Variants in DIS3L2 observed in about 807,000 individuals in gnomAD.
DIS3L2 encodes DIS3-like exonuclease 2.
In DIS3L2, 34 loss-of-function variants were observed where a neutral mutation model predicts 97.5. The observed-to-expected ratio is 0.35, with a 90% CI of 0.27 to 0.46. DIS3L2 has a LOEUF of 0.46. Among genes scored for constraint, DIS3L2 ranks in the 20% least tolerant of loss-of-function variants. The pLI is 1.00. For synonymous variants in DIS3L2, 435 were observed against 445.2 expected, an observed-to-expected ratio of 0.98 and a Z score of 0.29; for missense variants, 1,038 against 1,146.0, an observed-to-expected ratio of 0.91 and a Z score of 1.36.
intron 3 of DIS3L2, among the ~76,000 whole-genome samples, chr2:232,021,446 A>ATT (rs562864093): frequency 4.7e-4 from 68 of 145,980 alleles, no homozygotes; most frequent in African/African-American, 1.5e-3. Context: ...CGATATTTGA[A>ATT]TTTTTTTTTT....
At chr2:232,181,949 G>A (rs1227777758) in intron 9 of DIS3L2, among the ~76,000 whole-genome samples, 1 of 152,048 alleles carries the variant, frequency 6.6e-6, no homozygotes, top group Non-Finnish European at 1.5e-5. Flanking sequence ...ACCGTGCCCG[G>A]GCGCCTGGCT....
At chr2:232,243,003 G>A (rs901321150) in intron 11 of DIS3L2, among the ~76,000 whole-genome samples, 1 of 152,214 alleles carries the variant, frequency 6.6e-6, no homozygotes, top group African/African-American at 2.4e-5. Flanking sequence ...AGCAGAGGAG[G>A]TGGACAGGTA....
At chr2:232,077,961 CTTTCTT>C (rs1559602130) in intron 5 of DIS3L2, among the ~76,000 whole-genome samples, 2 of 73,880 alleles carry the variant, frequency 2.7e-5, no homozygotes, top group African/African-American at 6.2e-5. Context: ...CTTTCTCTTT[CTTTCTT>C]TCTTTCTTTC....
At chr2:232,343,415 C>T (rs1204267724) in exon 14 of DIS3L2, 3 of 1,555,424 alleles carry the variant, frequency 1.9e-6, no homozygotes, top group Non-Finnish European at 2.6e-6. Context: ...GATGCAGAAG[C>T]ACAGCCCTCC....
chr2:232,136,837 G>A, intron 8 of DIS3L2, 118 bp downstream of exon 8: 2 of 1,318,196 alleles, frequency 1.5e-6, no homozygotes, highest in Non-Finnish European at 2.0e-6. Flanking sequence ...ACGGTTTCTG[G>A]TGTATTTTGG....
intron 1 of DIS3L2, among the ~76,000 whole-genome samples, chr2:231,986,812 T>G (rs1693426545): frequency 1.3e-5 from 2 of 152,202 alleles, no homozygotes. Flanking sequence ...TTCATTAATC[T>G]TTTAGCCTGT....
intron 5 of DIS3L2, among the ~76,000 whole-genome samples, chr2:232,086,196 G>A (rs1234217328): frequency 6.9e-6 from 1 of 145,724 alleles, no homozygotes; most frequent in East Asian, 1.9e-4. Context: ...CACACGTATA[G>A]ACGTGTATAC....
intron 6 of DIS3L2, among the ~76,000 whole-genome samples, chr2:232,107,546 A>G (rs1398822903): frequency 6.6e-5 from 10 of 152,098 alleles, no homozygotes; most frequent in Non-Finnish European, 1.3e-4. Context: ...TAAAAATACA[A>G]AAATTAGCTG....
At chr2:232,315,325 G>A (rs1559208401) in intron 14 of DIS3L2, among the ~76,000 whole-genome samples, 1 of 152,218 alleles carries the variant, frequency 6.6e-6, no homozygotes, top group African/African-American at 2.4e-5. Flanking sequence ...CAGAGCCCAG[G>A]CTCAGGCCAC....
chr2:232,245,783 A>T (rs1481021573), intron 11 of DIS3L2, among the ~76,000 whole-genome samples: 1 of 152,252 alleles, frequency 6.6e-6, no homozygotes, highest in Non-Finnish European at 1.5e-5. Context: ...CACAGTTTTT[A>T]TAGCCTGCAC....
chr2:232,032,642 A>G (rs955863878), intron 5 of DIS3L2, among the ~76,000 whole-genome samples: 1 of 152,174 alleles, frequency 6.6e-6, no homozygotes, highest in Non-Finnish European at 1.5e-5. Context: ...TAGGTCTTAC[A>G]TATAAACATT....
chr2:232,117,999 A>G (rs758459346), intron 6 of DIS3L2, among the ~76,000 whole-genome samples: 20 of 152,292 alleles, frequency 1.3e-4, no homozygotes, highest in Non-Finnish European at 2.4e-4. Flanking sequence ...TCAAGGTGTC[A>G]GTTTTCTGAA....
intron 13 of DIS3L2, among the ~76,000 whole-genome samples, chr2:232,289,033 C>T (rs991773450): frequency 1.3e-5 from 2 of 152,040 alleles, no homozygotes; most frequent in Non-Finnish European, 1.5e-5. Flanking sequence ...TTTCTGATTT[C>T]AATATCACAG....
intron 1 of DIS3L2, among the ~76,000 whole-genome samples, chr2:232,002,941 G>T (rs1048689278): frequency 6.6e-6 from 1 of 152,140 alleles, no homozygotes; most frequent in Non-Finnish European, 1.5e-5. Context: ...CTCAGGAGTT[G>T]GTCAAAGTAG....
chr2:232,166,562 A>G (rs1339986951), intron 9 of DIS3L2, among the ~76,000 whole-genome samples: 1 of 152,160 alleles, frequency 6.6e-6, no homozygotes, highest in African/African-American at 2.4e-5. Flanking sequence ...CTAAAAATAC[A>G]AAAATTAGCT....
chr2:232,196,321 TTTAA>T (rs1691754336), intron 9 of DIS3L2, among the ~76,000 whole-genome samples: 1 of 152,230 alleles, frequency 6.6e-6, no homozygotes, highest in Non-Finnish European at 1.5e-5. Flanking sequence ...AGCAAATTTA[TTTAA>T]TTGTTTGTAT....
At chr2:232,298,538 G>A (rs1213331619) in intron 13 of DIS3L2, among the ~76,000 whole-genome samples, 7 of 152,202 alleles carry the variant, frequency 4.6e-5, no homozygotes, top group African/African-American at 7.2e-5. Context: ...CATGATGGTC[G>A]AGAAGGGCTT....
chr2:231,975,746 C>T (rs1172270959), intron 1 of DIS3L2, among the ~76,000 whole-genome samples: 4 of 149,900 alleles, frequency 2.7e-5, no homozygotes, highest in Non-Finnish European at 5.9e-5. Context: ...GATGAAGGAC[C>T]AGAAGTTAGA....
intron 9 of DIS3L2, among the ~76,000 whole-genome samples, chr2:232,182,040 C>T: frequency 6.6e-6 from 1 of 152,150 alleles, no homozygotes; most frequent in East Asian, 1.9e-4. Flanking sequence ...CAGGCATTAG[C>T]CACTGTACTT....
Sources: gnomAD v4.1 joint callset for allele counts (sites outside exome capture counted in the v4.1 genomes callset) on GRCh38, gnomAD v4.1.1 for gene constraint, MANE v1.5 for transcripts, NCBI Gene and HGNC (gene_info 2026-07-23, HGNC 2026-07-21) for gene names.